Variants in COL10A1 observed in about 807,000 individuals in gnomAD.
COL10A1 encodes collagen alpha-1(X) chain.
A neutral mutation model predicts 18.2 loss-of-function variants in COL10A1; 10 were observed. The ratio of observed to expected loss-of-function variants is 0.55; its 90% CI spans 0.34 to 0.93. COL10A1 has a LOEUF of 0.93. COL10A1 is among the 40% of genes least tolerant of loss of function. The probability of loss-of-function intolerance (pLI) is 0.02; values close to 1 mark genes in which losing one functional copy is unlikely to be tolerated. For synonymous variants in COL10A1, 330 were observed against 316.6 expected, an observed-to-expected ratio of 1.04 and a Z score of -0.45; for missense variants, 897 against 853.5, an observed-to-expected ratio of 1.05 and a Z score of -0.64.
chr6:116,132,938 C>G (rs868321205), intron 1 of COL10A1, among the ~76,000 whole-genome samples: 1 of 152,064 alleles, frequency 6.6e-6, no homozygotes, highest in Non-Finnish European at 1.5e-5. Context: ...TGTAAATAGT[C>G]TAATGTGCTT....
chr6:116,196,791 G>C, the COL10A1 span, among the ~76,000 whole-genome samples: 149 of 151,902 alleles, frequency 9.8e-4, no homozygotes, highest in Middle Eastern at 3.4e-3. Context: ...TCTTCTACTT[G>C]TGCAGCCTTG....
chr6:116,130,622 A>G (rs765569178), upstream of COL10A1, among the ~76,000 whole-genome samples: 1 of 152,056 alleles, frequency 6.6e-6, no homozygotes, highest in Non-Finnish European at 1.5e-5. Flanking sequence ...TGGTCATTCT[A>G]TCTAGTGAAC....
chr6:116,149,594 A>G (rs1779984044), intron 1 of COL10A1, among the ~76,000 whole-genome samples: 2 of 152,208 alleles, frequency 1.3e-5, no homozygotes, highest in Admixed American at 1.3e-4. Flanking sequence ...ATGACTGTCG[A>G]AAGGGTATCT....
the COL10A1 span, among the ~76,000 whole-genome samples, chr6:116,197,914 C>A: frequency 6.6e-6 from 1 of 152,030 alleles, no homozygotes; most frequent in Non-Finnish European, 1.5e-5. Context: ...AGGAGCTCCA[C>A]AAATAGCTTC....
In COL10A1 at chr6:116,120,752, C is replaced by A. The variant is rs146784716; in HGVS notation, c.1364G>T (p.Gly455Val). 393 of 1,604,968 alleles carry A rather than the reference C, an allele frequency of 2.4e-4. No homozygotes were observed. The highest frequency in any genetic ancestry group is 1.6e-4 in the Non-Finnish European group (186 of 1,176,548). Residue 455 changes from glycine (G) to valine (V), a missense_variant, in exon 3 of 3, where the codon GGG becomes GTG. Physicochemically the swap from Gly to Val is moderately radical, Grantham distance 109 (BLOSUM62 -3). Transcript: ENST00000651968. ...AGGGAATCCTGGAATGCCTGGTGGC[C>A]CAATAGGGCCTCTAGTACCTGGTAT... ...PGIPGTRGPIGPPGIPGFPGS... is the reference protein window; with the variant it reads ...PGIPGTRGPIVPPGIPGFPGS...
At chr6:116,175,572 GTCTTAC>G in the COL10A1 span, among the ~76,000 whole-genome samples, 1 of 152,090 alleles carries the variant, frequency 6.6e-6, no homozygotes, top group African/African-American at 2.4e-5. Flanking sequence ...ATTTGATAAT[GTCTTAC>G]AGTTTGTGGA....
At chr6:116,157,226 G>T (rs558129349) in intron 1 of COL10A1, among the ~76,000 whole-genome samples, 5 of 152,166 alleles carry the variant, frequency 3.3e-5, no homozygotes, top group African/African-American at 1.2e-4. Context: ...GTTTAAAAAT[G>T]AGGATTCCCC....
At chr6:116,166,768 T>G in the COL10A1 span, among the ~76,000 whole-genome samples, 4 of 152,342 alleles carry the variant, frequency 2.6e-5, no homozygotes, top group Admixed American at 2.0e-4. Flanking sequence ...AGTAGTTACT[T>G]AAATTATGTA....
chr6:116,145,119 T>C (rs1192436184), intron 1 of COL10A1, among the ~76,000 whole-genome samples: 2 of 152,202 alleles, frequency 1.3e-5, no homozygotes, highest in Non-Finnish European at 2.9e-5. Flanking sequence ...GGTTTCTGTC[T>C]TGAAGCATTA....
At position 116,135,734 on chromosome 6, in the gene COL10A1, T is replaced by G. The variant is rs185021446; in HGVS notation, c.-15-10227A>C. ...TCAACATACCCATCCCTGGTCATAG[T>G]TTCACAAATACTCAGCTTAAAAAAT... On this transcript the variant is annotated intron_variant, in intron 1 of 1. Coordinates refer to the COL10A1 transcript ENST00000418500. Among the ~76,000 whole-genome samples the G allele has an allele frequency of 2.6e-3, 392 of 150,902 alleles. 10 individuals carry two copies. In the South Asian group the frequency reaches 0.043, roughly 17 times the overall value.
upstream of COL10A1, among the ~76,000 whole-genome samples, chr6:116,163,647 A>G (rs1780397920): frequency 6.6e-6 from 1 of 150,836 alleles, no homozygotes; most frequent in South Asian, 2.1e-4. Flanking sequence ...TTATTTCTTT[A>G]CTTCTGCTAG....
chr6:116,203,002 C>CTTATT, the COL10A1 span, among the ~76,000 whole-genome samples: 1 of 152,042 alleles, frequency 6.6e-6, no homozygotes, highest in South Asian at 2.1e-4. Context: ...TCACTTAATA[C>CTTATT]AAGTGGTTTT....
chr6:116,202,869 A>G, the COL10A1 span, among the ~76,000 whole-genome samples: 1 of 152,050 alleles, frequency 6.6e-6, no homozygotes. Flanking sequence ...TTCCTTAACT[A>G]GAAAATCTTA....
At chr6:116,184,921 G>T in the COL10A1 span, among the ~76,000 whole-genome samples, 1 of 151,870 alleles carries the variant, frequency 6.6e-6, no homozygotes, top group East Asian at 1.9e-4. Flanking sequence ...TGCTGGGTTT[G>T]GGTTTGGTTT....
chr6:116,204,106 C>T, the COL10A1 span, among the ~76,000 whole-genome samples: 94,936 of 151,640 alleles, frequency 0.63, 31,591 homozygotes, highest in African/African-American at 0.87. Context: ...AGTGAAACAC[C>T]TGGGTAAGGG....
At chr6:116,207,598 T>G in the COL10A1 span, among the ~76,000 whole-genome samples, 6 of 151,866 alleles carry the variant, frequency 4.0e-5, no homozygotes, top group African/African-American at 1.4e-4. Context: ...ATACCCAAAA[T>G]ATATAAACTT....
At chr6:116,144,880 G>A (rs1779857618) in intron 1 of COL10A1, among the ~76,000 whole-genome samples, 1 of 152,130 alleles carries the variant, frequency 6.6e-6, no homozygotes, top group Non-Finnish European at 1.5e-5. Flanking sequence ...TTCAAAAACA[G>A]ACGTTTTCAA....
chr6:116,173,216 T>G, the COL10A1 span, among the ~76,000 whole-genome samples: 1 of 152,196 alleles, frequency 6.6e-6, no homozygotes, highest in East Asian at 1.9e-4. Context: ...AAACTATAAC[T>G]GTGTCAGTGG....
the COL10A1 span, among the ~76,000 whole-genome samples, chr6:116,184,781 G>A: frequency 6.6e-6 from 1 of 151,602 alleles, no homozygotes; most frequent in Non-Finnish European, 1.5e-5. Flanking sequence ...TCTCTTCTTA[G>A]TTATTCTCAC....
Sources: allele counts gnomAD v4.1 joint callset (sites outside exome capture counted in the v4.1 genomes callset), GRCh38; gene constraint gnomAD v4.1.1; transcripts MANE v1.5; gene names NCBI Gene and HGNC (gene_info 2026-07-23, HGNC 2026-07-21).